Variants in TRIM16 observed in about 807,000 individuals in gnomAD.
The protein encoded by TRIM16 is tripartite motif containing 16, also known as tripartite motif-containing protein 16.
Under a neutral mutation model 50.4 loss-of-function variants are expected in TRIM16, and 33 were observed. That is an observed-to-expected ratio of 0.65 (90% confidence interval 0.50 to 0.88). The LOEUF is 0.88. Ranked by LOEUF, TRIM16 falls within the 40% of genes least tolerant of loss-of-function variation. The probability of loss-of-function intolerance (pLI) is 0.00; values close to 1 mark genes in which losing one functional copy is unlikely to be tolerated. For missense variants in TRIM16, 581 were observed against 686.8 expected, an observed-to-expected ratio of 0.85 and a Z score of 1.72; for synonymous variants, 229 against 270.7, an observed-to-expected ratio of 0.85 and a Z score of 1.51.
At chr17:15,656,298 C>T (rs952111360) in intron 6 of TRIM16, among the ~76,000 whole-genome samples, 1 of 152,080 alleles carries the variant, frequency 6.6e-6, no homozygotes, top group Admixed American at 6.6e-5. Flanking sequence ...ACTCAAATTC[C>T]CTATTGCTTC....
chr17:15,653,171 C>T (rs1987810634), intron 6 of TRIM16, among the ~76,000 whole-genome samples: 1 of 152,128 alleles, frequency 6.6e-6, no homozygotes, highest in South Asian at 2.1e-4. Context: ...TGGCACCACC[C>T]CCTCTCTTAA....
chr17:15,677,232 A>G lies in TRIM16; in HGVS notation c.-394T>C. ...CTGCATTTGTGTTCGTGGGCTTACC[A>G]CTTCTTCCAACTAGGAGATGATACC... On this transcript the variant is annotated 5_prime_UTR_variant, in exon 6 of 12. Coordinates refer to ENST00000649191, the MANE Select transcript of TRIM16 (RefSeq NM_001348119.1). The G allele has an allele frequency of 1.0e-6, 1 of 985,440 alleles. No homozygotes were observed. Among genetic ancestry groups the G allele is most frequent in the Non-Finnish European group, 1.2e-6 (1 of 829,940 alleles). 61.0% of individuals were successfully genotyped at this position (985,440 alleles called of 1,614,324 possible). A position where few individuals can be genotyped will look rare whatever the true frequency, so the allele number is the denominator to read the frequency against.
At chr17:15,648,985 C>T (rs1173376896) in intron 7 of TRIM16, among the ~76,000 whole-genome samples, 2 of 152,172 alleles carry the variant, frequency 1.3e-5, no homozygotes, top group Non-Finnish European at 2.9e-5. Flanking sequence ...AAGCCCATTC[C>T]TCAGTTGTCC....
At chr17:15,634,063 C>T (rs1174192161) in intron 9 of TRIM16, among the ~76,000 whole-genome samples, 2 of 145,954 alleles carry the variant, frequency 1.4e-5, no homozygotes, top group African/African-American at 2.5e-5. Flanking sequence ...GGCACGGTGG[C>T]TCATGCCTGT....
intron 6 of TRIM16, chr17:15,658,818 A>G: frequency 1.0e-6 from 1 of 985,430 alleles, no homozygotes; most frequent in Non-Finnish European, 1.2e-6. Context: ...GTGCAGGCCC[A>G]ATGAACTTTC....
chr17:15,648,830 C>G (rs1218256991), intron 7 of TRIM16, among the ~76,000 whole-genome samples: 1 of 152,206 alleles, frequency 6.6e-6, no homozygotes, highest in African/African-American at 2.4e-5. Flanking sequence ...TAAACTTGCT[C>G]TCCGAGCTGA....
intron 11 of TRIM16, 37 bp downstream of exon 11, chr17:15,631,582 T>A: frequency 6.2e-7 from 1 of 1,612,044 alleles, no homozygotes; most frequent in Non-Finnish European, 8.5e-7. Flanking sequence ...TGCACTGATA[T>A]CAACAACTGG....
chr17:15,666,724 T>C lies in TRIM16; in HGVS notation c.-338+10452A>G, dbSNP rs574672243. 8.7e-3 allele frequency among the ~76,000 whole-genome samples: 1,319 copies of C among 152,406 alleles called. 21 individuals are homozygous for C. The highest frequency in any genetic ancestry group is 0.03 in the African/African-American group (1,256 of 41,606). On this transcript the variant is annotated intron_variant, in intron 6 of 11. Coordinates refer to ENST00000649191, the MANE Select transcript of TRIM16 (RefSeq NM_001348119.1). ...ATAAAACATCTATGAGATTCATCCA[T>C]GTCATGGTGCGTATCAGTAGCCTGT...
intron 9 of TRIM16, among the ~76,000 whole-genome samples, chr17:15,633,551 T>G (rs1986543384): frequency 6.8e-6 from 1 of 147,310 alleles, no homozygotes. Flanking sequence ...TTTTTTTTTT[T>G]TTTTTTGAGA....
At position 15,628,836 on chromosome 17, in the gene TRIM16, A is replaced by G. The variant is rs1428873406; in HGVS notation, c.1474T>C (p.Phe492Leu). Residue 492 changes from phenylalanine (F) to leucine (L), a missense_variant, in exon 12 of 12, where the codon TTC becomes CTC. Phe to Leu is a conservative substitution (Grantham distance 22). Around this residue, in one of 3 missense-constraint regions of TRIM16, gnomAD observed 115 missense variants for 106.7 expected, o/e 1.08. Coordinates refer to ENST00000649191, the MANE Select transcript of TRIM16 (RefSeq NM_001348119.1). ...DMETPLKAGP[F>L]RRLGVYIDFP... The stretch of plus-strand genomic sequence containing the variant: ...TCGATATAGACCCCGAGCCTCCGGA[A>G]AGGGCCAGCTTTGAGTGGGGTCTCC... The G allele has an allele frequency of 1.9e-6, 3 of 1,614,048 alleles. No individual in the cohort carries two copies. The highest frequency in any genetic ancestry group is 8.5e-7 in the Non-Finnish European group (1 of 1,179,994).
chr17:15,628,797 T>A lies in TRIM16; in HGVS notation c.1513A>T (p.Ile505Phe). ...LGVYIDFPGGILSFYGVEYDT... is the reference protein window; with the variant it reads ...LGVYIDFPGGFLSFYGVEYDT... ...TACTCTACGCCATAGAAGGAAAGGA[T>A]CCCTCCCGGGAAGTCGATATAGACC... The change falls in exon 12 of 12, where the codon ATC (isoleucine) becomes TTC (phenylalanine). Residue 505 changes from isoleucine (I) to phenylalanine (F), a missense_variant. Coordinates refer to ENST00000649191, the MANE Select transcript of TRIM16 (RefSeq NM_001348119.1). 1 of 1,614,072 alleles carries A rather than the reference T, an allele frequency of 6.2e-7. No individual in the cohort carries two copies. Among genetic ancestry groups the A allele is most frequent in the Non-Finnish European group, 8.5e-7 (1 of 1,180,024 alleles).
At chr17:15,682,777 T>C in intron 3 of TRIM16, 77 bp downstream of exon 3, 1 of 1,307,494 alleles carries the variant, frequency 7.6e-7, no homozygotes, top group Non-Finnish European at 9.9e-7. Flanking sequence ...AGTACGGAAG[T>C]AAGGTATCTT....
intron 6 of TRIM16, among the ~76,000 whole-genome samples, chr17:15,659,294 T>C (rs1427909313): frequency 6.6e-6 from 1 of 152,218 alleles, no homozygotes; most frequent in Non-Finnish European, 1.5e-5. Context: ...GGTTCTCTTT[T>C]GTCTTCCAGT....
At chr17:15,629,633 T>C (rs1986305747) in intron 11 of TRIM16, among the ~76,000 whole-genome samples, 1 of 152,288 alleles carries the variant, frequency 6.6e-6, no homozygotes, top group Admixed American at 6.5e-5. Flanking sequence ...TAAAAATGAA[T>C]GAATGGATCA....
At chr17:15,669,682 T>A (rs1351799612) in intron 6 of TRIM16, among the ~76,000 whole-genome samples, 1 of 152,236 alleles carries the variant, frequency 6.6e-6, no homozygotes, top group Non-Finnish European at 1.5e-5. Context: ...TACAATCAAC[T>A]GCTCACGGTG....
chr17:15,648,260 C>CA (rs199625595), intron 7 of TRIM16, among the ~76,000 whole-genome samples: 7,413 of 133,262 alleles, frequency 0.056, 261 homozygotes, highest in African/African-American at 0.13. Context: ...AACAAACAAA[C>CA]AAACAAAAAA....
chr17:15,651,833 C>A lies in TRIM16; in HGVS notation c.-224G>T. On this transcript the variant is annotated 5_prime_UTR_variant, in exon 7 of 12. Coordinates refer to ENST00000649191, the MANE Select transcript of TRIM16 (RefSeq NM_001348119.1). ...GCAGCTAGAGTACTCAGGCTCAGGA[C>A]AGCCGGCTCAGGCTCAGGCTGCCTC... 7.0e-7 allele frequency: 1 copy of A among 1,431,792 alleles called. No individual in the cohort carries two copies. The highest frequency in any genetic ancestry group is 2.8e-5 in the Admixed American group (1 of 35,356). The allele number at this position is 1,431,792 out of a possible 1,614,324, so 88.7% of individuals were successfully genotyped here.
intron 4 of TRIM16, among the ~76,000 whole-genome samples, chr17:15,680,637 G>A (rs919551929): frequency 2.6e-5 from 4 of 152,016 alleles, no homozygotes; most frequent in African/African-American, 7.2e-5. Flanking sequence ...GACCTTCACT[G>A]CTACTGCCAT....
chr17:15,651,225 G>A lies in TRIM16; in HGVS notation c.385C>T (p.Arg129Ter), dbSNP rs528978044. 41 of 1,614,224 alleles carry A rather than the reference G, an allele frequency of 2.5e-5. No individual in the cohort carries two copies. The South Asian group carries it at 2.6e-4, about 10-fold the overall frequency. Residue 129 changes from arginine (R) to a stop codon, truncating the protein, a stop_gained, in exon 7 of 12, where the codon CGA becomes TGA. Transcript: ENST00000649191. LOFTEE classifies it high-confidence loss of function. ...LTEPVKDHNW[R>*]YCPAHHSPLS... ...GGGCTGTGGTGGGCAGGGCAGTATC[G>A]CCAGTTGTGGTCCTTCACTGGCTCG...
Sources: allele counts gnomAD v4.1 joint callset (sites outside exome capture counted in the v4.1 genomes callset), GRCh38; gene constraint gnomAD v4.1.1; regional missense constraint gnomAD v4.1.1; transcripts MANE v1.5; gene names NCBI Gene and HGNC (gene_info 2026-07-23, HGNC 2026-07-21).